Variants in RNF130 observed in about 807,000 individuals in gnomAD.
RNF130 encodes the protein E3 ubiquitin-protein ligase RNF130.
A neutral mutation model predicts 44.6 loss-of-function variants in RNF130; 21 were observed. That is an observed-to-expected ratio of 0.47 (90% CI 0.33 to 0.68). The LOEUF (loss-of-function observed/expected upper bound fraction) is 0.68, where lower values mean the gene tolerates loss of function less well. Ranked by LOEUF, RNF130 falls within the 30% of genes least tolerant of loss-of-function variation. The pLI is 0.02. For missense variants in RNF130, 479 were observed against 560.6 expected, an observed-to-expected ratio of 0.85 and a Z score of 1.47; for synonymous variants, 214 against 210.4, an observed-to-expected ratio of 1.02 and a Z score of -0.15.
intron 2 of RNF130, among the ~76,000 whole-genome samples, chr5:180,018,884 G>A (rs935548920): frequency 3.3e-5 from 5 of 152,122 alleles, no homozygotes; most frequent in East Asian, 1.9e-4. Flanking sequence ...AGTAAACCCC[G>A]GGGCAAGCCC....
intron 7 of RNF130, among the ~76,000 whole-genome samples, chr5:179,946,296 C>T (rs747344442): frequency 6.6e-6 from 1 of 152,316 alleles, no homozygotes; most frequent in Non-Finnish European, 1.5e-5. Flanking sequence ...CGCGCGGGGT[C>T]TGTGTGTGGT....
intron 1 of RNF130, among the ~76,000 whole-genome samples, chr5:180,053,641 G>A (rs942417047): frequency 8.5e-5 from 13 of 152,184 alleles, no homozygotes; most frequent in African/African-American, 3.1e-4. Context: ...AGTATATTCA[G>A]AGCAAGAAGA....
intron 7 of RNF130, among the ~76,000 whole-genome samples, chr5:179,933,397 T>TC (rs1561661455): frequency 2.7e-5 from 4 of 147,602 alleles, no homozygotes; most frequent in African/African-American, 7.7e-5. Context: ...CATAACCCTA[T>TC]TTGTGTGTGT....
chr5:179,947,083 C>G (rs1762053411), intron 7 of RNF130, among the ~76,000 whole-genome samples: 1 of 152,148 alleles, frequency 6.6e-6, no homozygotes, highest in Non-Finnish European at 1.5e-5. Context: ...ATGAATTCTT[C>G]ACGGAAGTCT....
Position 179,998,859 on chromosome 5 carries a change from T to TATATA in RNF130, c.693+14201_693+14202insTATAT, listed in dbSNP as rs1554103680. The stretch of plus-strand genomic sequence containing the variant: ...TCTCTCTCTTTAGATCTAGTATTTT[T>TATATA]TATATATATATATATATATATATAT... On this transcript the variant is annotated intron_variant, in intron 3 of 8. Transcript: ENST00000521389. 3.1e-3 allele frequency among the ~76,000 whole-genome samples: 274 copies of TATATA among 88,714 alleles called. 12 individuals are homozygous for TATATA. Among genetic ancestry groups the TATATA allele is most frequent in the African/African-American group, 5.8e-3 (138 of 23,654 alleles). The allele number at this position is 88,714 out of a possible 152,430, so 58.2% of individuals were successfully genotyped here.
At chr5:179,929,916 TC>T (rs1761780759) in intron 7 of RNF130, among the ~76,000 whole-genome samples, 1 of 152,214 alleles carries the variant, frequency 6.6e-6, no homozygotes, top group Non-Finnish European at 1.5e-5. Context: ...ACTTAGGTCA[TC>T]TTTAATTTCT....
chr5:179,986,809 G>GAC (rs1475235775), intron 3 of RNF130, among the ~76,000 whole-genome samples: 6 of 152,128 alleles, frequency 3.9e-5, no homozygotes, highest in Non-Finnish European at 7.4e-5. Context: ...TATACATGAT[G>GAC]ACATATATTT....
intron 7 of RNF130, chr5:179,940,031 T>A: frequency 4.4e-6 from 1 of 227,410 alleles, no homozygotes; most frequent in Non-Finnish European, 8.6e-6. Flanking sequence ...TGCTTCTTCT[T>A]TAGTCTCAGG....
intron 2 of RNF130, among the ~76,000 whole-genome samples, chr5:180,021,618 T>A (rs1158602337): frequency 6.6e-6 from 1 of 151,866 alleles, no homozygotes; most frequent in East Asian, 1.9e-4. Context: ...CATTTAAAAA[T>A]AATAATAATT....
intron 7 of RNF130, among the ~76,000 whole-genome samples, chr5:179,940,836 CA>C (rs1761961388): frequency 6.6e-6 from 1 of 152,030 alleles, no homozygotes; most frequent in African/African-American, 2.4e-5. Flanking sequence ...ACTTGAATTA[CA>C]TGTATATTAA....
intron 1 of RNF130, among the ~76,000 whole-genome samples, chr5:180,052,199 T>G (rs1318280663): frequency 6.6e-6 from 1 of 152,224 alleles, no homozygotes; most frequent in African/African-American, 2.4e-5. Flanking sequence ...ACCACCTGTG[T>G]ACATCACAAT....
At chr5:180,057,277 A>G (rs1003719510) in intron 1 of RNF130, among the ~76,000 whole-genome samples, 3 of 152,220 alleles carry the variant, frequency 2.0e-5, no homozygotes, top group Non-Finnish European at 4.4e-5. Flanking sequence ...GGGTGGGCAC[A>G]GTGGCTCACG....
intron 3 of RNF130, among the ~76,000 whole-genome samples, chr5:179,998,869 A>G (rs1324796515): frequency 7.9e-6 from 1 of 127,238 alleles, no homozygotes; most frequent in Non-Finnish European, 1.7e-5. Flanking sequence ...TTATATATAT[A>G]TATATATATA....
At chr5:180,005,847 ACT>A (rs1244415839) in intron 3 of RNF130, among the ~76,000 whole-genome samples, 3 of 152,206 alleles carry the variant, frequency 2.0e-5, no homozygotes, top group African/African-American at 7.2e-5. Context: ...TGAAATATTT[ACT>A]GAGGCAGTGT....
At position 179,977,392 on chromosome 5, in the gene RNF130, T is replaced by C. The variant is rs983315946; in HGVS notation, c.848+811A>G. ...AAGGGCTTGGAGATGTAGTCTAAGATGGAGAGGAACAAGGGGCTGTTTTTG... is the reference window on the plus strand; with the variant it reads ...AAGGGCTTGGAGATGTAGTCTAAGACGGAGAGGAACAAGGGGCTGTTTTTG... On this transcript the variant is annotated intron_variant, in intron 5 of 8. Coordinates refer to ENST00000521389, the MANE Select transcript of RNF130 (RefSeq NM_018434.6). This position sits in a 1 kb window ranked among gnomAD's most constrained non-coding sequence, Gnocchi z 4.1. 1.2e-4 allele frequency: 19 copies of C among 152,154 alleles called. No individual in the cohort carries two copies. Among genetic ancestry groups the C allele is most frequent in the African/African-American group, 4.1e-4 (17 of 41,418 alleles). The allele number at this position is 152,154 out of a possible 1,614,324, so 9.4% of individuals were successfully genotyped here.
intron 3 of RNF130, among the ~76,000 whole-genome samples, chr5:179,991,306 G>A (rs1274663334): frequency 1.3e-5 from 2 of 152,172 alleles, no homozygotes; most frequent in East Asian, 3.8e-4. Flanking sequence ...GCAATCTGAT[G>A]ACTATATGTC....
At chr5:180,016,670 A>G (rs1030812505) in intron 2 of RNF130, among the ~76,000 whole-genome samples, 1 of 152,198 alleles carries the variant, frequency 6.6e-6, no homozygotes, top group Non-Finnish European at 1.5e-5. Context: ...CTGTTTCCAC[A>G]CTGCTTGAGT....
intron 6 of RNF130, among the ~76,000 whole-genome samples, chr5:179,969,807 T>C (rs1227322987): frequency 1.3e-5 from 2 of 151,970 alleles, no homozygotes; most frequent in Admixed American, 6.6e-5. Flanking sequence ...CTGGACAACA[T>C]GGTGAAACCC....
exon 8 of RNF130, chr5:179,916,790 CT>C (rs1169423584): frequency 6.6e-6 from 1 of 152,310 alleles, no homozygotes; most frequent in Non-Finnish European, 1.5e-5. Context: ...CCATCAGTGG[CT>C]GCCAAGCTCT....
Sources: allele counts gnomAD v4.1 joint callset (sites outside exome capture counted in the v4.1 genomes callset), GRCh38; gene constraint gnomAD v4.1.1; non-coding constraint Gnocchi (gnomAD v3.1); transcripts MANE v1.5; gene names NCBI Gene and HGNC (gene_info 2026-07-23, HGNC 2026-07-21).